The following ZNF385D variants were observed in gnomAD, a reference collection of about 807,000 sequenced individuals.
ZNF385D encodes the protein zinc finger protein 659.
ZNF385D carries 15 observed loss-of-function variants against 35.8 expected under a neutral mutation model. That is an observed-to-expected ratio of 0.42 (90% CI 0.28 to 0.64). ZNF385D has a LOEUF of 0.64. Among genes scored for constraint, ZNF385D ranks in the 30% least tolerant of loss-of-function variants. The pLI, the probability that ZNF385D is intolerant of heterozygous loss-of-function variation, is 0.23. For synonymous variants in ZNF385D, 212 were observed against 186.8 expected (o/e 1.13, Z -1.10); for missense variants, 474 against 494.6 (o/e 0.96, Z 0.39).
chr3:22,117,749 G>A lies in ZNF385D; in HGVS notation c.325+51068C>T, dbSNP rs373199212. ...TGATTAAAAAGTATTTACATGAAAG[G>A]ATGTCCATTATTCCCAATAAAAGAA... On this transcript the variant is annotated intron_variant, in intron 3 of 5. Transcript: ENST00000494108. 2.6e-4 allele frequency among the ~76,000 whole-genome samples: 40 copies of A among 151,886 alleles called. No individual in the cohort carries two copies. In the South Asian group the frequency reaches 7.9e-3, roughly 30 times the overall value.
intron 1 of ZNF385D, among the ~76,000 whole-genome samples, chr3:21,723,570 T>C (rs1273851287): frequency 6.6e-6 from 1 of 152,112 alleles, no homozygotes; most frequent in Non-Finnish European, 1.5e-5. Flanking sequence ...GAAGATCGAT[T>C]TAATGAAATA....
At chr3:21,739,603 G>C (rs963379183) in intron 1 of ZNF385D, among the ~76,000 whole-genome samples, 9 of 152,152 alleles carry the variant, frequency 5.9e-5, no homozygotes, top group Admixed American at 5.2e-4. Context: ...AAAAACATTA[G>C]TATTGATGTT....
intron 1 of ZNF385D, among the ~76,000 whole-genome samples, chr3:21,687,254 G>A (rs1369329693): frequency 2.6e-5 from 4 of 152,152 alleles, no homozygotes; most frequent in South Asian, 2.1e-4. Flanking sequence ...CTATATGAAT[G>A]AGCCAGATAA....
chr3:21,751,366 G>T, upstream of ZNF385D: 1 of 1,040,822 alleles, frequency 9.6e-7, no homozygotes, highest in South Asian at 3.4e-5. Context: ...TGAGGGGCGC[G>T]GGAGGCTCTC....
intron 3 of ZNF385D, among the ~76,000 whole-genome samples, chr3:21,802,429 G>A (rs2072447382): frequency 6.6e-6 from 1 of 152,052 alleles, no homozygotes; most frequent in Non-Finnish European, 1.5e-5. Flanking sequence ...GGCTATGAGT[G>A]CCTTCAAAAG....
chr3:21,825,845 C>A (rs1350852157), intron 3 of ZNF385D, among the ~76,000 whole-genome samples: 1 of 152,194 alleles, frequency 6.6e-6, no homozygotes, highest in African/African-American at 2.4e-5. Flanking sequence ...GGCTGTACAG[C>A]AGGAGGTGAG....
rs1019122841 is a variant in ZNF385D at position 21,734,515 on chromosome 3, T to C, written c.22+16380A>G. On this transcript the variant is annotated intron_variant, in intron 1 of 7. Transcript: ENST00000281523. Reference sequence around the variant, plus strand: ...ACTAACAGTGAATAAAAATGAGCGTTTACATTTTTGGAAATACAGTGGGGA... The same window carrying C: ...ACTAACAGTGAATAAAAATGAGCGTCTACATTTTTGGAAATACAGTGGGGA... 2.4e-4 allele frequency among the ~76,000 whole-genome samples: 36 copies of C among 152,104 alleles called. 1 individual carries two copies. Among genetic ancestry groups the C allele is most frequent in the Admixed American group, 2.0e-3 (31 of 15,256 alleles).
At chr3:22,245,660 T>G (rs965090724) in intron 2 of ZNF385D, among the ~76,000 whole-genome samples, 57 of 151,356 alleles carry the variant, frequency 3.8e-4, no homozygotes, top group African/African-American at 1.4e-3. Flanking sequence ...GGGTGTGTGC[T>G]GCTGCACAAC....
intron 2 of ZNF385D, among the ~76,000 whole-genome samples, chr3:21,592,645 G>A (rs2064016795): frequency 6.6e-6 from 1 of 151,450 alleles, no homozygotes; most frequent in Non-Finnish European, 1.5e-5. Context: ...CTGCAGTAAA[G>A]CTTATGTTTG....
intron 3 of ZNF385D, among the ~76,000 whole-genome samples, chr3:22,132,191 G>A (rs1236114067): frequency 2.6e-5 from 4 of 152,086 alleles, no homozygotes; most frequent in African/African-American, 9.7e-5. Flanking sequence ...GCAGGATCTT[G>A]GGTCACAAGG....
chr3:22,116,724 T>C (rs1011044200), intron 3 of ZNF385D, among the ~76,000 whole-genome samples: 2 of 152,058 alleles, frequency 1.3e-5, no homozygotes, highest in African/African-American at 2.4e-5. Context: ...TTAAATGTAA[T>C]GCAAAATTTA....
At chr3:22,203,978 C>T (rs889378746) in intron 2 of ZNF385D, among the ~76,000 whole-genome samples, 1 of 152,032 alleles carries the variant, frequency 6.6e-6, no homozygotes. Context: ...AGCCTTAGGG[C>T]TCTGAGCAAA....
intron 3 of ZNF385D, among the ~76,000 whole-genome samples, chr3:22,076,495 A>T (rs567848823): frequency 2.6e-5 from 4 of 151,950 alleles, no homozygotes; most frequent in African/African-American, 7.2e-5. Flanking sequence ...CCATAACCAA[A>T]CCACTTAAAG....
At chr3:21,699,192 C>T (rs1055346281) in intron 1 of ZNF385D, among the ~76,000 whole-genome samples, 5 of 152,044 alleles carry the variant, frequency 3.3e-5, no homozygotes, top group East Asian at 1.9e-4. Flanking sequence ...TTTGCAGGGA[C>T]GTGGATGAAG....
At chr3:21,966,197 T>C (rs531220921) in intron 3 of ZNF385D, among the ~76,000 whole-genome samples, 2 of 152,290 alleles carry the variant, frequency 1.3e-5, no homozygotes, top group African/African-American at 2.4e-5. Context: ...TAATTTATAG[T>C]ATAGGACTTT....
chr3:22,170,705 T>A (rs1019576202), intron 2 of ZNF385D, among the ~76,000 whole-genome samples: 14 of 152,168 alleles, frequency 9.2e-5, no homozygotes, highest in Non-Finnish European at 1.6e-4. Context: ...GCATATCAGC[T>A]TTCCTTATTT....
intron 3 of ZNF385D, among the ~76,000 whole-genome samples, chr3:21,514,716 A>T (rs1171453626): frequency 6.6e-6 from 1 of 151,868 alleles, no homozygotes; most frequent in South Asian, 2.1e-4. Flanking sequence ...TATAAATGTT[A>T]TTCAGGCACA....
intron 3 of ZNF385D, among the ~76,000 whole-genome samples, chr3:21,972,104 G>A (rs978707638): frequency 1.3e-5 from 2 of 151,754 alleles, no homozygotes; most frequent in Non-Finnish European, 2.9e-5. Context: ...AAGAACAAAT[G>A]GACCCAATAT....
chr3:22,019,033 CCTT>C (rs1205964438), intron 3 of ZNF385D, among the ~76,000 whole-genome samples: 1 of 74,342 alleles, frequency 1.3e-5, no homozygotes, highest in African/African-American at 5.7e-5. Context: ...GAGTTATTTA[CCTT>C]TTTTTTTTTT....
Sources: allele counts gnomAD v4.1 joint callset (sites outside exome capture counted in the v4.1 genomes callset), GRCh38; gene constraint gnomAD v4.1.1; transcripts MANE v1.5; gene names NCBI Gene and HGNC (gene_info 2026-07-23, HGNC 2026-07-21).